The following RALGAPA1 variants were observed in gnomAD, a reference collection of about 807,000 sequenced individuals.
The protein encoded by RALGAPA1 is ral GTPase-activating protein subunit alpha-1.
RALGAPA1 carries 52 observed loss-of-function variants against 269.6 expected under a neutral mutation model. The observed-to-expected ratio is 0.19, with a 90% CI of 0.15 to 0.24. The LOEUF is 0.24. Among genes scored for constraint, RALGAPA1 ranks in the 10% least tolerant of loss-of-function variants. RALGAPA1 has a pLI of 1.00. For synonymous variants in RALGAPA1, 817 were observed against 1,008.3 expected (o/e 0.81, Z 3.60); for missense variants, 1,917 against 3,013.9 (o/e 0.64, Z 8.52).
intron 1 of RALGAPA1, among the ~76,000 whole-genome samples, chr14:35,796,049 G>C (rs2076541653): frequency 6.6e-6 from 1 of 152,164 alleles, no homozygotes. Flanking sequence ...GGCACACAAA[G>C]AATCAGGAAA....
At chr14:35,784,102 A>AAC (rs1372501210) in intron 1 of RALGAPA1, among the ~76,000 whole-genome samples, 1 of 152,054 alleles carries the variant, frequency 6.6e-6, no homozygotes, top group African/African-American at 2.4e-5. Flanking sequence ...CAGGCTGGGC[A>AAC]ACATGGCAAA....
intron 15 of RALGAPA1, 67 bp from the exon 16 acceptor site, chr14:35,721,916 GCTACCTTGC>G: frequency 7.4e-7 from 1 of 1,359,962 alleles, no homozygotes. Context: ...AGTTATGCGT[GCTACCTTGC>G]CTCAGAGTCT....
intron 39 of RALGAPA1, among the ~76,000 whole-genome samples, chr14:35,562,248 TC>T (rs2056321703): frequency 6.6e-6 from 1 of 152,136 alleles, no homozygotes; most frequent in Non-Finnish European, 1.5e-5. Flanking sequence ...GCGTCTAGAC[TC>T]CCATTGCTTC....
chr14:35,748,723 G>A lies in RALGAPA1; in HGVS notation c.1113C>T (p.Ser371=), dbSNP rs761892393. ...TEPEQSHSNT[S]TLTEREPSSS... is the part of the protein sequence containing the mutation. ...AGCTAGGTTCTCGCTCCGTGAGAGT[G>A]CTTGTATTGGAATGAGACTGTTCGG... Residue 371 remains serine, a synonymous_variant, in exon 10 of 42, where the codon AGC becomes AGT. Transcript: ENST00000680220. 3 of 1,613,044 alleles carry A rather than the reference G, an allele frequency of 1.9e-6. No homozygotes were observed. Among genetic ancestry groups the A allele is most frequent in the Non-Finnish European group, 2.5e-6 (3 of 1,179,750 alleles).
chr14:35,726,252 C>T (rs1419284034), intron 13 of RALGAPA1, among the ~76,000 whole-genome samples: 3 of 152,018 alleles, frequency 2.0e-5, no homozygotes, highest in East Asian at 1.9e-4. Flanking sequence ...ATATCCTGGA[C>T]GTATTAGCAA....
chr14:35,748,736 T>C lies in RALGAPA1; in HGVS notation c.1100A>G (p.His367Arg), dbSNP rs1331702409. ...TDRTTEPEQS[H>R]SNTSTLTERE... ...CTCCGTGAGAGTGCTTGTATTGGAA[T>C]GAGACTGTTCGGGTTCTGTAGTTCT... The change falls in exon 10 of 42, where the codon CAT becomes CGT. Residue 367 changes from histidine (H) to arginine (R), a missense_variant. Physicochemically the swap from His to Arg is conservative, Grantham distance 29. Transcript: ENST00000680220. The C allele has an allele frequency of 6.2e-7, 1 of 1,613,304 alleles. No individual in the cohort carries two copies. Among genetic ancestry groups the C allele is most frequent in the Non-Finnish European group, 8.5e-7 (1 of 1,179,826 alleles).
At chr14:35,557,366 T>C (rs1326637132) in intron 39 of RALGAPA1, among the ~76,000 whole-genome samples, 1 of 151,806 alleles carries the variant, frequency 6.6e-6, no homozygotes, top group Non-Finnish European at 1.5e-5. Flanking sequence ...TTATCTCTAC[T>C]TAAATGTGCA....
chr14:35,580,621 A>T (rs1214159182), intron 37 of RALGAPA1, among the ~76,000 whole-genome samples: 1 of 152,208 alleles, frequency 6.6e-6, no homozygotes, highest in Non-Finnish European at 1.5e-5. Context: ...CTTCACAAGA[A>T]ATATAAATGC....
intron 1 of RALGAPA1, among the ~76,000 whole-genome samples, chr14:35,797,351 C>CAAAAAAAAAAAAA (rs530576211): frequency 0.026 from 1,529 of 59,786 alleles, 280 homozygotes; most frequent in South Asian, 0.099. Context: ...GACTCCGTCT[C>CAAAAAAAAAAAAA]AAAAAAAAAA....
intron 33 of RALGAPA1, among the ~76,000 whole-genome samples, chr14:35,634,024 A>G (rs2061515605): frequency 6.6e-6 from 1 of 152,190 alleles, no homozygotes; most frequent in Admixed American, 6.5e-5. Context: ...AAATAAGAAA[A>G]CAGATATTTA....
intron 12 of RALGAPA1, among the ~76,000 whole-genome samples, chr14:35,732,123 A>G (rs2070536603): frequency 6.6e-6 from 1 of 152,220 alleles, no homozygotes; most frequent in Non-Finnish European, 1.5e-5. Context: ...GATATTTTGT[A>G]TCCAGCAAAA....
intron 6 of RALGAPA1, among the ~76,000 whole-genome samples, chr14:35,758,764 T>C (rs191488095): frequency 3.0e-4 from 45 of 151,062 alleles, no homozygotes; most frequent in African/African-American, 9.2e-4. Context: ...TAAAAAAGAG[T>C]GATGAAAGAA....
At chr14:35,641,863 A>G (rs1226288516) in intron 31 of RALGAPA1, among the ~76,000 whole-genome samples, 1 of 152,220 alleles carries the variant, frequency 6.6e-6, no homozygotes, top group Admixed American at 6.5e-5. Flanking sequence ...ACAGAGCCAT[A>G]ATTATCAAAA....
Position 35,756,902 on chromosome 14 carries a change from A to C in RALGAPA1, c.554T>G (p.Val185Gly). The C allele has an allele frequency of 6.2e-7, 1 of 1,603,554 alleles. No homozygotes were observed. The highest frequency in any genetic ancestry group is 8.5e-7 in the Non-Finnish European group (1 of 1,174,400). Residue 185 changes from valine (V) to glycine (G), a missense_variant, in exon 7 of 42, where the codon GTC (valine) becomes GGC (glycine). Coordinates refer to ENST00000680220, the MANE Select transcript of RALGAPA1 (RefSeq NM_001346249.2). ...NPPLNLQETQ[V>G]TIEEITPLVP... ...AAGAGGAGTGATTTCTTCTATAGTG[A>C]CTTGAGCTATCCAAAGACAAAAGAA...
At chr14:35,768,792 C>T (rs1263045333) in intron 4 of RALGAPA1, among the ~76,000 whole-genome samples, 9 of 151,480 alleles carry the variant, frequency 5.9e-5, no homozygotes, top group East Asian at 1.9e-4. Flanking sequence ...GCGGATCACC[C>T]GAGGTCGGGA....
chr14:35,739,831 T>A lies in RALGAPA1; in HGVS notation c.1450-1181A>T, dbSNP rs116791289. ...CTGACCTACAATCTATCCTCCATTC[T>A]GGGCCTGGTATGACCTTCTCAAGTA... is the stretch of plus-strand genomic sequence containing the variant. On this transcript the variant is annotated intron_variant, in intron 11 of 41. Transcript: ENST00000680220. Among the ~76,000 whole-genome samples the A allele has an allele frequency of 5.2e-3, 794 of 152,318 alleles. 7 individuals are homozygous for A. Among genetic ancestry groups the A allele is most frequent in the African/African-American group, 0.018 (749 of 41,574 alleles).
At chr14:35,808,546 A>G (rs1267962448) in intron 1 of RALGAPA1, among the ~76,000 whole-genome samples, 184 bp downstream of exon 1, 2 of 152,206 alleles carry the variant, frequency 1.3e-5, no homozygotes, top group African/African-American at 4.8e-5. Flanking sequence ...TGTTAACAGT[A>G]ATCAGTGCTG....
intron 7 of RALGAPA1, among the ~76,000 whole-genome samples, chr14:35,754,592 T>C (rs569720580): frequency 3.9e-5 from 6 of 152,314 alleles, no homozygotes; most frequent in South Asian, 2.1e-4. Flanking sequence ...TGTGAAGCAA[T>C]TGTATAAGTC....
Position 35,797,351 on chromosome 14 carries a change from C to CAAAAAAAAAAAAAAAAAA in RALGAPA1, c.106+11378_106+11379insTTTTTTTTTTTTTTTTTT, listed in dbSNP as rs530576211. 1.2e-3 allele frequency among the ~76,000 whole-genome samples: 74 copies of CAAAAAAAAAAAAAAAAAA among 59,940 alleles called. 2 individuals are homozygous for CAAAAAAAAAAAAAAAAAA. The highest frequency in any genetic ancestry group is 1.4e-3 in the Non-Finnish European group (45 of 32,964). The allele number at this position is 59,940 out of a possible 152,430, so 39.3% of individuals were successfully genotyped here. On this transcript the variant is annotated intron_variant, in intron 1 of 41. Coordinates refer to ENST00000680220, the MANE Select transcript of RALGAPA1 (RefSeq NM_001346249.2). ...CTGGTGACAGAGCGAGACTCCGTCTCAAAAAAAAAAAAAAAAAGATGCCAA... is the reference window on the plus strand; with the variant it reads ...CTGGTGACAGAGCGAGACTCCGTCTCAAAAAAAAAAAAAAAAAAAAAAAAAAAAAAAAAAAGATGCCAA...
Sources: allele counts gnomAD v4.1 joint callset (sites outside exome capture counted in the v4.1 genomes callset), GRCh38; gene constraint gnomAD v4.1.1; transcripts MANE v1.5; gene names NCBI Gene and HGNC (gene_info 2026-07-23, HGNC 2026-07-21).